The following PPP2R2A variants were observed in gnomAD, a reference collection of about 807,000 sequenced individuals.
PPP2R2A encodes protein phosphatase 2 regulatory subunit Balpha, also known as serine/threonine-protein phosphatase 2A 55 kDa regulatory subunit B alpha isoform.
PPP2R2A carries 9 observed loss-of-function variants against 53.2 expected under a neutral mutation model. The observed-to-expected ratio is 0.17, with a 90% CI of 0.10 to 0.30. The LOEUF (loss-of-function observed/expected upper bound fraction) is 0.30, where lower values mean the gene tolerates loss of function less well. Among genes scored for constraint, PPP2R2A ranks in the 10% least tolerant of loss-of-function variants. The probability of loss-of-function intolerance (pLI) is 1.00; values close to 1 mark genes in which losing one functional copy is unlikely to be tolerated. For synonymous variants in PPP2R2A, 169 were observed against 174.2 expected, an observed-to-expected ratio of 0.97 and a Z score of 0.23; for missense variants, 235 against 534.6, an observed-to-expected ratio of 0.44 and a Z score of 5.53.
rs182999996 is a variant in PPP2R2A, at chr8:26,316,464, A to G, written c.83-22426A>G. ...AAAGCCGTGAGGTTTTAAAGAACTT[A>G]ATATATCAGAGAAAACTTCAGCTTT... On this transcript the variant is annotated intron_variant, in intron 2 of 9. Coordinates refer to ENST00000380737, the MANE Select transcript of PPP2R2A (RefSeq NM_002717.4). 4.6e-5 allele frequency among the ~76,000 whole-genome samples: 7 copies of G among 152,348 alleles called. No individual in the cohort carries two copies. In the East Asian group the frequency reaches 1.3e-3, roughly 29 times the overall value.
chr8:26,369,023 G>A (rs1206528697), intron 9 of PPP2R2A, among the ~76,000 whole-genome samples: 1 of 150,728 alleles, frequency 6.6e-6, no homozygotes, highest in Non-Finnish European at 1.5e-5. Flanking sequence ...CAGAAGAATG[G>A]CATGAACCCA....
intron 2 of PPP2R2A, among the ~76,000 whole-genome samples, chr8:26,309,027 A>C (rs1365948410): frequency 2.6e-5 from 4 of 152,036 alleles, no homozygotes; most frequent in African/African-American, 7.2e-5. Context: ...CACCTGGCTC[A>C]TATTTCTACT....
chr8:26,340,076 T>C (rs1438059519), intron 3 of PPP2R2A: 1 of 151,952 alleles, frequency 6.6e-6, no homozygotes, highest in Non-Finnish European at 1.5e-5. Context: ...GAAGAAAATA[T>C]GAAAATAAGA....
chr8:26,346,810 G>A (rs1804244071), intron 3 of PPP2R2A, among the ~76,000 whole-genome samples: 2 of 152,194 alleles, frequency 1.3e-5, no homozygotes, highest in Non-Finnish European at 2.9e-5. Context: ...TTTATCAGGG[G>A]TATGGAGGAC....
intron 2 of PPP2R2A, among the ~76,000 whole-genome samples, chr8:26,320,691 G>C (rs368941127): frequency 6.6e-6 from 1 of 152,140 alleles, no homozygotes; most frequent in African/African-American, 2.4e-5. Flanking sequence ...TAGTGTTGCT[G>C]TGCTCACTAA....
At position 26,353,563 on chromosome 8, in the gene PPP2R2A, G is replaced by C. The variant is rs148651866; in HGVS notation, c.181-905G>C. Among the ~76,000 whole-genome samples the C allele has an allele frequency of 2.2e-3, 341 of 152,168 alleles. 1 individual carries two copies. The highest frequency in any genetic ancestry group is 4.4e-3 in the African/African-American group (182 of 41,500). On this transcript the variant is annotated intron_variant, in intron 3 of 9. Transcript: ENST00000380737. ...TTTACTTAAACTTTTTCCATAGGTGGTTCTTTGAACTAGACTTTCAAATTT... is the reference window on the plus strand; with the variant it reads ...TTTACTTAAACTTTTTCCATAGGTGCTTCTTTGAACTAGACTTTCAAATTT...
chr8:26,336,167 T>C (rs1803646538), intron 2 of PPP2R2A, among the ~76,000 whole-genome samples: 1 of 152,186 alleles, frequency 6.6e-6, no homozygotes, highest in African/African-American at 2.4e-5. Flanking sequence ...TTCATGCTTG[T>C]AATCCCAGCA....
chr8:26,344,933 T>C (rs1020808995), intron 3 of PPP2R2A, among the ~76,000 whole-genome samples: 1 of 152,184 alleles, frequency 6.6e-6, no homozygotes, highest in Non-Finnish European at 1.5e-5. Flanking sequence ...ATGAGATATA[T>C]TGGGGATGGG....
At position 26,370,241 on chromosome 8, in the gene PPP2R2A, T is replaced by C. The variant is rs753473897; in HGVS notation, c.1172T>C (p.Val391Ala). Reference protein sequence around the residue: ...ASRENNKPRTVLKPRKVCASG... With the variant: ...ASRENNKPRTALKPRKVCASG... ...CGGGAAAACAATAAGCCTCGCACAG[T>C]TCTGAAGCCTCGCAAAGTCTGTGCA... The change falls in exon 10 of 10, where the codon GTT (valine) becomes GCT (alanine). Residue 391 changes from valine to alanine, a missense_variant. By Grantham distance (64) the Val-to-Ala change is moderately conservative. Transcript: ENST00000380737. This position sits in a 1 kb window ranked among gnomAD's most constrained non-coding sequence, Gnocchi z 6.1. 4 of 1,614,076 alleles carry C rather than the reference T, an allele frequency of 2.5e-6. 1 individual carries two copies. The highest frequency in any genetic ancestry group is 2.2e-5 in the South Asian group (2 of 91,074).
chr8:26,338,956 G>C lies in PPP2R2A; in HGVS notation c.149G>C (p.Gly50Ala). The C allele has an allele frequency of 1.2e-6, 2 of 1,606,816 alleles. No homozygotes were observed. Among genetic ancestry groups the C allele is most frequent in the Non-Finnish European group, 1.7e-6 (2 of 1,174,016 alleles). ...TTACTAGCAACAGGAGATAAAGGTG[G>C]TAGAGTTGTCATCTTTCAACAGGAG... The part of the protein sequence containing the change: ...GELLATGDKG[G>A]RVVIFQQEQE... The change falls in exon 3 of 10, where the codon GGT becomes GCT. Residue 50 changes from glycine to alanine, a missense_variant. Physicochemically the swap from Gly to Ala is moderately conservative, Grantham distance 60 (BLOSUM62 0). Coordinates refer to ENST00000380737, the MANE Select transcript of PPP2R2A (RefSeq NM_002717.4). This position sits in a 1 kb window ranked among gnomAD's most constrained non-coding sequence, Gnocchi z 4.5.
At chr8:26,302,619 C>G (rs1221774850) in intron 2 of PPP2R2A, among the ~76,000 whole-genome samples, 1 of 152,156 alleles carries the variant, frequency 6.6e-6, no homozygotes, top group Non-Finnish European at 1.5e-5. Flanking sequence ...CCATAACTAC[C>G]TGAAACACCT....
intron 2 of PPP2R2A, among the ~76,000 whole-genome samples, chr8:26,308,538 A>T (rs1802125594): frequency 6.6e-6 from 1 of 152,234 alleles, no homozygotes; most frequent in Non-Finnish European, 1.5e-5. Context: ...TTTAAAAAGA[A>T]ACTGCTCATC....
intron 3 of PPP2R2A, among the ~76,000 whole-genome samples, chr8:26,340,275 T>G (rs914389861): frequency 2.6e-5 from 4 of 152,008 alleles, no homozygotes; most frequent in Non-Finnish European, 5.9e-5. Context: ...ATAAATAGAT[T>G]ACTTTATTAC....
chr8:26,355,156 T>C (rs1242167100), intron 4 of PPP2R2A, among the ~76,000 whole-genome samples: 1 of 152,210 alleles, frequency 6.6e-6, no homozygotes, highest in African/African-American at 2.4e-5. Context: ...CAGGATACGC[T>C]ATAGGAGAGC....
At chr8:26,364,920 A>T (rs923078568) in intron 8 of PPP2R2A, among the ~76,000 whole-genome samples, 1 of 152,156 alleles carries the variant, frequency 6.6e-6, no homozygotes, top group African/African-American at 2.4e-5. Flanking sequence ...CTAACTGCAG[A>T]TTTGGGTATA....
rs1208877255 is a variant in PPP2R2A at position 26,338,836 on chromosome 8, G to C, written c.83-54G>C. 2.4e-6 allele frequency: 3 copies of C among 1,274,400 alleles called. No homozygotes were observed. Among genetic ancestry groups the C allele is most frequent in the South Asian group, 2.6e-5 (2 of 76,586 alleles). The allele number at this position is 1,274,400 out of a possible 1,614,324, so 78.9% of individuals were successfully genotyped here. On this transcript the variant is annotated intron_variant, in intron 2 of 9. Coordinates refer to ENST00000380737, the MANE Select transcript of PPP2R2A (RefSeq NM_002717.4). This position sits in a 1 kb window ranked among gnomAD's most constrained non-coding sequence, Gnocchi z 4.5. ...GAAAACACGCTAAGTTCTGAAACTAGTGAGTCGGGAAAGAAAAACTAATAT... is the reference window on the plus strand; with the variant it reads ...GAAAACACGCTAAGTTCTGAAACTACTGAGTCGGGAAAGAAAAACTAATAT...
At chr8:26,293,569 G>C (rs1489581552) in intron 1 of PPP2R2A, 97 bp from the exon 2 acceptor site, 1 of 1,183,728 alleles carries the variant, frequency 8.4e-7, no homozygotes, top group Non-Finnish European at 1.2e-6. Context: ...GCAGAACTAG[G>C]CTGTTAGTAT....
intron 2 of PPP2R2A, among the ~76,000 whole-genome samples, chr8:26,324,142 T>C (rs1802974958): frequency 6.6e-6 from 1 of 152,224 alleles, no homozygotes; most frequent in East Asian, 1.9e-4. Flanking sequence ...TGGAATGCTT[T>C]CCTTCAACAA....
chr8:26,343,641 C>T (rs1275695879), intron 3 of PPP2R2A, among the ~76,000 whole-genome samples: 1 of 152,102 alleles, frequency 6.6e-6, no homozygotes, highest in Admixed American at 6.5e-5. Context: ...CCACCTTGGC[C>T]TCCCAAAGTG....
Sources: allele counts gnomAD v4.1 joint callset (sites outside exome capture counted in the v4.1 genomes callset), GRCh38; gene constraint gnomAD v4.1.1; non-coding constraint Gnocchi (gnomAD v3.1); transcripts MANE v1.5; gene names NCBI Gene and HGNC (gene_info 2026-07-23, HGNC 2026-07-21).